Variants in MIGA2 observed in about 807,000 individuals in gnomAD.
MIGA2 encodes family with sequence similarity 73, member B.
In MIGA2, 36 loss-of-function variants were observed where a neutral mutation model predicts 69.9. That is an observed-to-expected ratio of 0.52 (90% CI 0.39 to 0.68). The LOEUF (loss-of-function observed/expected upper bound fraction) is 0.68, where lower values mean the gene tolerates loss of function less well. Among genes scored for constraint, MIGA2 ranks in the 30% least tolerant of loss-of-function variants. The pLI, the probability that MIGA2 is intolerant of heterozygous loss-of-function variation, is 0.00. For synonymous variants in MIGA2, 333 were observed against 349.2 expected (o/e 0.95, Z 0.52); for missense variants, 660 against 787.7 (o/e 0.84, Z 1.94).
chr9:129,069,603 C>G lies in MIGA2; in HGVS notation c.1459-246C>G, dbSNP rs1846557339. ...TGATACCAGCTGCCGTGGCCACGTG[C>G]TCCAGGCACTTCCCGCGGAGCCACT... On this transcript the variant is annotated intron_variant, in intron 14 of 15. Transcript: ENST00000684074. The surrounding 1 kb of genome is among the most constrained non-coding windows in gnomAD (Gnocchi z 4.9). 1 of 567,706 alleles carries G rather than the reference C, an allele frequency of 1.8e-6. No individual in the cohort carries two copies. The highest frequency in any genetic ancestry group is 1.9e-5 in the African/African-American group (1 of 53,220). The allele number at this position is 567,706 out of a possible 1,614,324, so 35.2% of individuals were successfully genotyped here.
intron 1 of MIGA2, 106 bp from the exon 2 acceptor site, chr9:129,040,346 G>A: frequency 2.6e-6 from 2 of 782,446 alleles, no homozygotes; most frequent in African/African-American, 1.8e-5. Context: ...GGTTCCAGAG[G>A]CAAGCTTTGC....
Position 129,039,173 on chromosome 9 carries a change from GTT to G in MIGA2, c.-143-1277_-143-1276del, listed in dbSNP as rs1491301946. On this transcript the variant is annotated intron_variant, in intron 1 of 15. Transcript: ENST00000684074. The stretch of plus-strand genomic sequence containing the variant: ...AATACGTAGCGTGGAGTAGCTCTTT[GTT>G]TGTGTGTGTGTGTGTGTGTGTGTGT... Among the ~76,000 whole-genome samples, 234 of 127,144 alleles carry G rather than the reference GTT, an allele frequency of 1.8e-3. 1 individual carries two copies. The highest frequency in any genetic ancestry group is 6.4e-3 in the African/African-American group (191 of 30,028). The allele number at this position is 127,144 out of a possible 152,430, so 83.4% of individuals were successfully genotyped here. A position where few individuals can be genotyped will look rare whatever the true frequency, so the allele number is the denominator to read the frequency against.
chr9:129,062,339 T>G, intron 9 of MIGA2, among the ~76,000 whole-genome samples: 1 of 151,740 alleles, frequency 6.6e-6, no homozygotes, highest in South Asian at 2.1e-4. Context: ...AAGACCAAGC[T>G]GGCCAATATG....
At position 129,068,169 on chromosome 9, in the gene MIGA2, C is replaced by T. The variant is rs1355258334; in HGVS notation, c.1270-29C>T. The T allele has an allele frequency of 6.2e-7, 1 of 1,613,518 alleles. No individual in the cohort carries two copies. The highest frequency in any genetic ancestry group is 2.2e-5 in the East Asian group (1 of 44,880). On this transcript the variant is annotated intron_variant, in intron 12 of 15. Coordinates refer to ENST00000684074, the MANE Select transcript of MIGA2 (RefSeq NM_001329990.2). This position sits in a 1 kb window ranked among gnomAD's most constrained non-coding sequence, Gnocchi z 4.1. Reference sequence around the variant, plus strand: ...CCGAGGCTCCGGCAGTGCCCCCATGCATGAGCCTCCCGGGGGCACCCTCTG... The same window carrying T: ...CCGAGGCTCCGGCAGTGCCCCCATGTATGAGCCTCCCGGGGGCACCCTCTG...
chr9:129,069,051 G>C lies in MIGA2; in HGVS notation c.1405-25G>C, dbSNP rs753316911. 4.3e-6 allele frequency: 7 copies of C among 1,613,718 alleles called. No individual in the cohort carries two copies. The Admixed American group carries it at 1.2e-4, about 27-fold the overall frequency. On this transcript the variant is annotated intron_variant, in intron 13 of 15. Coordinates refer to ENST00000684074, the MANE Select transcript of MIGA2 (RefSeq NM_001329990.2). The surrounding 1 kb of genome is among the most constrained non-coding windows in gnomAD (Gnocchi z 4.9). ...GTGGGCTAGGCCCATTTTGACACCC[G>C]GGGGACATCCTATTTTTGATGTAGG...
At chr9:129,053,179 C>T (rs1845633392) in intron 6 of MIGA2, among the ~76,000 whole-genome samples, 1 of 152,020 alleles carries the variant, frequency 6.6e-6, no homozygotes, top group Admixed American at 6.6e-5. Flanking sequence ...AGCACTGGCG[C>T]TCTGTGGGGG....
chr9:129,057,129 G>C (rs1008975293), intron 6 of MIGA2, among the ~76,000 whole-genome samples: 3 of 152,062 alleles, frequency 2.0e-5, no homozygotes, highest in African/African-American at 7.2e-5. Context: ...CTTAAATCTA[G>C]TGCTCACTTC....
chr9:129,055,451 C>G lies in MIGA2; in HGVS notation c.676-3703C>G, dbSNP rs187821881. On this transcript the variant is annotated intron_variant, in intron 6 of 15. Transcript: ENST00000684074. ...TATATTTTATGTATTTGTGACGTATCTTTTTCATAATTTTTTCAGTATCTC... is the reference window on the plus strand; with the variant it reads ...TATATTTTATGTATTTGTGACGTATGTTTTTCATAATTTTTTCAGTATCTC... 1.4e-4 allele frequency among the ~76,000 whole-genome samples: 22 copies of G among 152,192 alleles called. No homozygotes were observed. In the Middle Eastern group the frequency reaches 0.01, roughly 71 times the overall value.
chr9:129,039,175 T>TTGTGTGTGTGTGTG (rs61426484), intron 1 of MIGA2, among the ~76,000 whole-genome samples: 15 of 140,000 alleles, frequency 1.1e-4, no homozygotes, highest in Non-Finnish European at 2.0e-4. Context: ...AGCTCTTTGT[T>TTGTGTGTGTGTGTG]TGTGTGTGTG....
rs533063407 is a variant in MIGA2 at position 129,036,834 on chromosome 9, G to C, written c.-144+153G>C. 1,146 of 582,946 alleles carry C rather than the reference G, an allele frequency of 2.0e-3. 5 individuals carry two copies. The highest frequency in any genetic ancestry group is 9.7e-3 in the Middle Eastern group (11 of 1,132). The allele number at this position is 582,946 out of a possible 1,614,324, so 36.1% of individuals were successfully genotyped here. On this transcript the variant is annotated intron_variant, in intron 1 of 15. Transcript: ENST00000684074. ...TGAGTGGGTACCCGGGCCGGGGACG[G>C]TGCGAGAGGGTGCCTTGCTTGGGAG...
Position 129,061,302 on chromosome 9 carries a change from C to A in MIGA2, c.966C>A (p.Ala322=). The change falls in exon 9 of 16, where the codon GCC becomes GCA. Residue 322 remains alanine, a synonymous_variant. Coordinates refer to ENST00000684074, the MANE Select transcript of MIGA2 (RefSeq NM_001329990.2). The surrounding 1 kb of genome is among the most constrained non-coding windows in gnomAD (Gnocchi z 5.0). The stretch of plus-strand genomic sequence containing the variant: ...GACCCGCCGCTGCCTATGAGGAGGC[C>A]CTGCAGCTGGTGAAGGAGGGGAGAG... ...LSRPAAAYEE[A]LQLVKEGRVP... 6.2e-6 allele frequency: 10 copies of A among 1,613,000 alleles called. No homozygotes were observed. The highest frequency in any genetic ancestry group is 8.5e-6 in the Non-Finnish European group (10 of 1,179,924).
At chr9:129,039,180 TGTGTG>T (rs1564597322) in intron 1 of MIGA2, among the ~76,000 whole-genome samples, 18 of 96,738 alleles carry the variant, frequency 1.9e-4, no homozygotes, top group African/African-American at 1.4e-3. Context: ...TTTGTTTGTG[TGTGTG>T]TGTGTGTGTG....
At position 129,049,483 on chromosome 9, in the gene MIGA2, A is replaced by G; in HGVS notation, c.523A>G (p.Ser175Gly). 1 of 1,613,526 alleles carries G rather than the reference A, an allele frequency of 6.2e-7. No homozygotes were observed. Among genetic ancestry groups the G allele is most frequent in the Non-Finnish European group, 8.5e-7 (1 of 1,179,884 alleles). The change falls in exon 5 of 16, where the codon AGC becomes GGC. Residue 175 changes from serine to glycine, a missense_variant. Ser to Gly is a moderately conservative substitution (Grantham distance 56). Coordinates refer to ENST00000684074, the MANE Select transcript of MIGA2 (RefSeq NM_001329990.2). The part of the protein sequence containing the change: ...SLTTSDGNAE[S>G]LYMQGMELFE... Reference sequence around the variant, plus strand: ...GACCACCAGCGACGGCAATGCAGAGAGCCTGTACATGCAAGGTGTGGCCAG... The same window carrying G: ...GACCACCAGCGACGGCAATGCAGAGGGCCTGTACATGCAAGGTGTGGCCAG...
intron 3 of MIGA2, among the ~76,000 whole-genome samples, chr9:129,047,425 T>A (rs922674811): frequency 1.3e-5 from 2 of 151,272 alleles, no homozygotes; most frequent in African/African-American, 4.9e-5. Flanking sequence ...CATTAAATTT[T>A]TTTTTTTGAG....
chr9:129,044,155 G>A (rs765206797), intron 3 of MIGA2, among the ~76,000 whole-genome samples: 3 of 150,978 alleles, frequency 2.0e-5, no homozygotes, highest in East Asian at 2.0e-4. Context: ...AACCACGCCC[G>A]GCTAATTTTT....
At chr9:129,066,449 A>T (rs1276275145) in intron 11 of MIGA2, among the ~76,000 whole-genome samples, 8 of 143,772 alleles carry the variant, frequency 5.6e-5, no homozygotes. Context: ...CCAAGGCGGG[A>T]GGATCACGAG....
chr9:129,061,974 T>C lies in MIGA2; in HGVS notation c.1010+628T>C, dbSNP rs1052128902. ...ATCTTATATTAACGTTATTATTAACTTTTTTGTATTATTTTTATGTATTAT... is the reference window on the plus strand; with the variant it reads ...ATCTTATATTAACGTTATTATTAACCTTTTTGTATTATTTTTATGTATTAT... On this transcript the variant is annotated intron_variant, in intron 9 of 15. Coordinates refer to ENST00000684074, the MANE Select transcript of MIGA2 (RefSeq NM_001329990.2). This position sits in a 1 kb window ranked among gnomAD's most constrained non-coding sequence, Gnocchi z 5.0. 1.3e-5 allele frequency among the ~76,000 whole-genome samples: 2 copies of C among 152,118 alleles called. No individual in the cohort carries two copies. The highest frequency in any genetic ancestry group is 4.8e-5 in the African/African-American group (2 of 41,444).
At chr9:129,057,015 C>T (rs112824759) in intron 6 of MIGA2, among the ~76,000 whole-genome samples, 1 of 151,976 alleles carries the variant, frequency 6.6e-6, no homozygotes, top group African/African-American at 2.4e-5. Flanking sequence ...GCCTGGGCAA[C>T]AGAACGAGAC....
In MIGA2 at chr9:129,069,985, C is replaced by T. The variant is rs368613779; in HGVS notation, c.1575+20C>T. On this transcript the variant is annotated intron_variant, in intron 15 of 15. Coordinates refer to ENST00000684074, the MANE Select transcript of MIGA2 (RefSeq NM_001329990.2). This position sits in a 1 kb window ranked among gnomAD's most constrained non-coding sequence, Gnocchi z 4.9. ...TTCAAGGTAAACAGAGAGCAGTTCT[C>T]GTTCTTTCCTGACCCTTGCCCTGAG... The T allele has an allele frequency of 9.6e-6, 15 of 1,561,320 alleles. No homozygotes were observed. Among genetic ancestry groups the T allele is most frequent in the Middle Eastern group, 1.8e-4 (1 of 5,456 alleles).
Sources: allele counts gnomAD v4.1 joint callset (sites outside exome capture counted in the v4.1 genomes callset), GRCh38; gene constraint gnomAD v4.1.1; non-coding constraint Gnocchi (gnomAD v3.1); transcripts MANE v1.5; gene names NCBI Gene and HGNC (gene_info 2026-07-23, HGNC 2026-07-21).